GMDS: variants seen among roughly 807,000 people sequenced by gnomAD.
The protein encoded by GMDS is GDP-mannose 4,6 dehydratase.
Under a neutral mutation model 49.9 loss-of-function variants are expected in GMDS, and 20 were observed. That is an observed-to-expected ratio of 0.40 (90% CI 0.28 to 0.58). The LOEUF (loss-of-function observed/expected upper bound fraction) is 0.58. Among genes scored for constraint, GMDS ranks in the 20% least tolerant of loss-of-function variants. The pLI, the probability that GMDS is intolerant of heterozygous loss-of-function variation, is 0.42. For synonymous variants in GMDS, 177 were observed against 178.6 expected (o/e 0.99, Z 0.07); for missense variants, 362 against 481.4 (o/e 0.75, Z 2.32).
chr6:2,079,019 C>CTTTTTTTTTTTTTTTTTTTTT lies in GMDS; in HGVS notation c.345+36731_345+36751dup, dbSNP rs386405902. ...CTTTGTCATTGCATAATGACCTTGTCTTTTTTTTTTTTTTTTTTTTTTTTT... is the reference window on the plus strand; with the variant it reads ...CTTTGTCATTGCATAATGACCTTGTCTTTTTTTTTTTTTTTTTTTTTTTTTTTTTTTTTTTTTTTTTTTTTT... On this transcript the variant is annotated intron_variant, in intron 4 of 10. Transcript: ENST00000380815. Among the ~76,000 whole-genome samples, 3 of 33,992 alleles carry CTTTTTTTTTTTTTTTTTTTTT rather than the reference C, an allele frequency of 8.8e-5. 1 individual carries two copies. The highest frequency in any genetic ancestry group is 1.4e-4 in the Non-Finnish European group (2 of 14,208). The allele number at this position is 33,992 out of a possible 152,430, so 22.3% of individuals were successfully genotyped here. A position where few individuals can be genotyped will look rare whatever the true frequency, so the allele number is the denominator to read the frequency against.
chr6:1,950,088 T>C (rs1325105609), intron 6 of GMDS, among the ~76,000 whole-genome samples: 1 of 152,242 alleles, frequency 6.6e-6, no homozygotes, highest in East Asian at 1.9e-4. Context: ...ACATGTTATA[T>C]GTAGTATTTA....
At chr6:2,088,662 A>C (rs1773147737) in intron 4 of GMDS, among the ~76,000 whole-genome samples, 1 of 152,186 alleles carries the variant, frequency 6.6e-6, no homozygotes, top group Non-Finnish European at 1.5e-5. Flanking sequence ...CTTTCTGATC[A>C]CAATCTTGAT....
intron 7 of GMDS, among the ~76,000 whole-genome samples, chr6:1,911,684 A>G (rs1001673677): frequency 1.3e-5 from 2 of 152,220 alleles, no homozygotes; most frequent in African/African-American, 2.4e-5. Flanking sequence ...GTTGCCACAC[A>G]CATATAATAA....
At chr6:1,966,372 G>GAAAA (rs11377438) in intron 4 of GMDS, among the ~76,000 whole-genome samples, 1 of 142,122 alleles carries the variant, frequency 7.0e-6, no homozygotes, top group African/African-American at 2.6e-5. Flanking sequence ...TCAGACTGAT[G>GAAAA]AAAAAAAAAA....
At chr6:1,804,330 T>C (rs538399698) in intron 7 of GMDS, among the ~76,000 whole-genome samples, 98 of 152,374 alleles carry the variant, frequency 6.4e-4, no homozygotes, top group African/African-American at 2.3e-3. Flanking sequence ...GTGGAAGCCA[T>C]GCATTTCCCG....
intron 7 of GMDS, among the ~76,000 whole-genome samples, chr6:1,861,773 G>A (rs879558472): frequency 1.1e-4 from 16 of 152,164 alleles, no homozygotes; most frequent in Non-Finnish European, 2.2e-4. Context: ...TAAGAGAATG[G>A]GAAGAAATGC....
chr6:1,944,663 C>A (rs1454424073), intron 6 of GMDS, among the ~76,000 whole-genome samples: 1 of 118,062 alleles, frequency 8.5e-6, no homozygotes, highest in African/African-American at 3.5e-5. Context: ...GAGCGAGACT[C>A]CGTCTCAAAA....
intron 7 of GMDS, among the ~76,000 whole-genome samples, chr6:1,852,722 T>C (rs1757738087): frequency 1.3e-5 from 2 of 151,960 alleles, no homozygotes; most frequent in East Asian, 1.9e-4. Context: ...TTTTTTTTTT[T>C]CCCGAGATGG....
Position 1,990,035 on chromosome 6 carries a change from G to T in GMDS, c.346-29069C>A, listed in dbSNP as rs181663015. ...CCATAGGCTGGGCGCAATGGCTCAC[G>T]CCTGTAATCCCAGCACTTTGGGAGG... is the stretch of plus-strand genomic sequence containing the variant. On this transcript the variant is annotated intron_variant, in intron 4 of 10. Coordinates refer to ENST00000380815, the MANE Select transcript of GMDS (RefSeq NM_001500.4). Among the ~76,000 whole-genome samples, 29 of 152,362 alleles carry T rather than the reference G, an allele frequency of 1.9e-4. No individual in the cohort carries two copies. In the East Asian group the frequency reaches 5.6e-3, roughly 29 times the overall value.
At chr6:1,872,181 G>C (rs1276537150) in intron 7 of GMDS, among the ~76,000 whole-genome samples, 1 of 152,232 alleles carries the variant, frequency 6.6e-6, no homozygotes, top group Non-Finnish European at 1.5e-5. Context: ...ACAAACACTG[G>C]CCGGAATGCA....
At chr6:2,071,936 T>C (rs961061694) in intron 4 of GMDS, among the ~76,000 whole-genome samples, 2 of 152,178 alleles carry the variant, frequency 1.3e-5, no homozygotes, top group Non-Finnish European at 2.9e-5. Context: ...AACACTTTGA[T>C]TAAAGCAACG....
intron 1 of GMDS, among the ~76,000 whole-genome samples, chr6:2,131,203 C>A (rs1005667030): frequency 6.6e-6 from 1 of 152,068 alleles, no homozygotes; most frequent in East Asian, 1.9e-4. Context: ...CATCTTTGCA[C>A]AACCCAACAT....
At chr6:1,999,320 C>CA (rs61018439) in intron 4 of GMDS, among the ~76,000 whole-genome samples, 54 of 86,768 alleles carry the variant, frequency 6.2e-4, no homozygotes, top group African/African-American at 1.8e-3. Context: ...GACTCTGTCT[C>CA]AAAAAAAAAA....
chr6:1,716,566 C>T (rs771140900), intron 9 of GMDS, among the ~76,000 whole-genome samples: 2 of 152,116 alleles, frequency 1.3e-5, no homozygotes, highest in Non-Finnish European at 1.5e-5. Flanking sequence ...GGAGGTGAGG[C>T]GGTGAAGAGG....
chr6:1,709,328 G>C (rs763147647), intron 9 of GMDS, among the ~76,000 whole-genome samples: 47 of 152,242 alleles, frequency 3.1e-4, no homozygotes, highest in Non-Finnish European at 5.4e-4. Context: ...CGTGATCTGG[G>C]AGGAAAGTTG....
intron 1 of GMDS, among the ~76,000 whole-genome samples, chr6:2,135,932 T>C (rs1216908933): frequency 6.6e-6 from 1 of 152,190 alleles, no homozygotes; most frequent in Non-Finnish European, 1.5e-5. Flanking sequence ...CTGAGAAATG[T>C]ACCATTGCAT....
chr6:2,126,166 A>C (rs562681584), intron 1 of GMDS, among the ~76,000 whole-genome samples: 1 of 152,336 alleles, frequency 6.6e-6, no homozygotes, highest in Admixed American at 6.5e-5. Flanking sequence ...TGTAGGTGCT[A>C]TAAAAAGTCA....
At chr6:2,082,816 T>C (rs58263056) in intron 4 of GMDS, among the ~76,000 whole-genome samples, 1,922 of 152,362 alleles carry the variant, frequency 0.013, 33 homozygotes, top group African/African-American at 0.042. Flanking sequence ...GTTGCACTCA[T>C]TTAAACAAAA....
intron 4 of GMDS, among the ~76,000 whole-genome samples, chr6:1,983,978 C>T (rs1239957174): frequency 1.3e-5 from 2 of 152,116 alleles, no homozygotes; most frequent in Non-Finnish European, 2.9e-5. Flanking sequence ...CCTAAATGCT[C>T]ATCAATGATA....
Sources: gnomAD v4.1 joint callset for allele counts (sites outside exome capture counted in the v4.1 genomes callset) on GRCh38, gnomAD v4.1.1 for gene constraint, MANE v1.5 for transcripts, NCBI Gene and HGNC (gene_info 2026-07-23, HGNC 2026-07-21) for gene names.